Variants in KHDRBS2 observed in about 807,000 individuals in gnomAD.
KHDRBS2 encodes KH RNA binding domain containing, signal transduction associated 2.
KHDRBS2 carries 26 observed loss-of-function variants against 44.3 expected under a neutral mutation model. That is an observed-to-expected ratio of 0.59 (90% CI 0.43 to 0.81). The LOEUF is 0.81. KHDRBS2 is among the 40% of genes least tolerant of loss of function. KHDRBS2 has a pLI of 0.00. For synonymous variants in KHDRBS2, 194 were observed against 151.1 expected (o/e 1.28, Z -2.08); for missense variants, 476 against 433.1 (o/e 1.10, Z -0.88).
the KHDRBS2 span, among the ~76,000 whole-genome samples, chr6:61,668,781 T>G: frequency 6.6e-6 from 1 of 151,160 alleles, no homozygotes; most frequent in South Asian, 2.1e-4. Context: ...TCACCTTCAC[T>G]TTGGTATCCT....
chr6:61,867,969 T>G (rs1347484563), intron 6 of KHDRBS2, among the ~76,000 whole-genome samples: 1 of 151,954 alleles, frequency 6.6e-6, no homozygotes, highest in African/African-American at 2.4e-5. Flanking sequence ...CCTGGCTGAG[T>G]TCTAGTAGAG....
the KHDRBS2 span, among the ~76,000 whole-genome samples, chr6:61,613,107 C>T: frequency 0.029 from 4,375 of 152,194 alleles, 208 homozygotes; most frequent in African/African-American, 0.1. Flanking sequence ...CCGCCTTGGC[C>T]TCCCAAAGTG....
At chr6:61,568,958 T>C in the KHDRBS2 span, among the ~76,000 whole-genome samples, 1,163 of 89,498 alleles carry the variant, frequency 0.013, 13 homozygotes, top group African/African-American at 0.047. Context: ...GATATAAGCA[T>C]AGGAGTTGCT....
chr6:61,629,801 T>C, the KHDRBS2 span, among the ~76,000 whole-genome samples: 1 of 152,334 alleles, frequency 6.6e-6, no homozygotes, highest in East Asian at 1.9e-4. Context: ...AAAGATGAAG[T>C]GAATAGTGAA....
At chr6:62,266,544 T>C (rs1269985331) in intron 1 of KHDRBS2, among the ~76,000 whole-genome samples, 3 of 152,020 alleles carry the variant, frequency 2.0e-5, no homozygotes, top group Non-Finnish European at 4.4e-5. Context: ...AAATTCTATG[T>C]GGGCTCCTTT....
At chr6:61,822,760 T>C (rs1458937071) in intron 6 of KHDRBS2, among the ~76,000 whole-genome samples, 2 of 152,016 alleles carry the variant, frequency 1.3e-5, no homozygotes, top group Admixed American at 1.3e-4. Context: ...GCTCTCTCCT[T>C]CTCAGACTCT....
chr6:62,090,552 G>A (rs2127363162), intron 2 of KHDRBS2, among the ~76,000 whole-genome samples: 1 of 150,440 alleles, frequency 6.6e-6, no homozygotes, highest in South Asian at 2.1e-4. Flanking sequence ...GTGGTTATAG[G>A]AAAGGTGTTT....
intron 2 of KHDRBS2, among the ~76,000 whole-genome samples, chr6:62,121,640 T>C (rs2150082926): frequency 6.6e-6 from 1 of 152,346 alleles, no homozygotes; most frequent in Admixed American, 6.5e-5. Flanking sequence ...TTCACTGTCC[T>C]GCCTCAGGGG....
At chr6:62,089,666 C>T (rs1195250177) in intron 2 of KHDRBS2, among the ~76,000 whole-genome samples, 2 of 152,288 alleles carry the variant, frequency 1.3e-5, no homozygotes, top group Non-Finnish European at 1.5e-5. Context: ...GGAGCTGCTC[C>T]TATTCTGCTA....
chr6:61,834,164 T>C (rs1013722612), intron 6 of KHDRBS2, among the ~76,000 whole-genome samples: 8 of 152,032 alleles, frequency 5.3e-5, no homozygotes, highest in Admixed American at 1.3e-4. Context: ...TATTTCTGTG[T>C]ATATTACTAA....
At chr6:61,606,767 A>G in the KHDRBS2 span, among the ~76,000 whole-genome samples, 89,846 of 152,024 alleles carry the variant, frequency 0.59, 26,761 homozygotes, top group Non-Finnish European at 0.61. Flanking sequence ...GGAGGGCTTC[A>G]GAGAAGGCCT....
chr6:61,651,383 A>G, the KHDRBS2 span, among the ~76,000 whole-genome samples: 1 of 152,152 alleles, frequency 6.6e-6, no homozygotes, highest in Non-Finnish European at 1.5e-5. Flanking sequence ...CATCTTATAT[A>G]CATAGCCTGA....
At chr6:61,813,864 A>G in intron 6 of KHDRBS2, 1 of 454,084 alleles carries the variant, frequency 2.2e-6, no homozygotes, top group South Asian at 1.6e-5. Flanking sequence ...GCATAGAAGT[A>G]GTAGTATGAC....
intron 2 of KHDRBS2, among the ~76,000 whole-genome samples, chr6:62,104,682 A>G (rs1802726055): frequency 6.6e-6 from 1 of 152,192 alleles, no homozygotes; most frequent in East Asian, 1.9e-4. Context: ...ATACATGCCT[A>G]TAATAAAACA....
intron 6 of KHDRBS2, among the ~76,000 whole-genome samples, chr6:61,877,083 C>A (rs1246992112): frequency 6.6e-6 from 1 of 151,946 alleles, no homozygotes; most frequent in Non-Finnish European, 1.5e-5. Context: ...CACTTTTGTG[C>A]CACAATGTCA....
chr6:62,163,168 ACAAG>A (rs919291743), intron 2 of KHDRBS2, among the ~76,000 whole-genome samples: 1 of 152,028 alleles, frequency 6.6e-6, no homozygotes, highest in African/African-American at 2.4e-5. Context: ...GCTGACAAAT[ACAAG>A]CAGTTTTGCA....
chr6:61,587,319 A>C, the KHDRBS2 span, among the ~76,000 whole-genome samples: 1 of 152,122 alleles, frequency 6.6e-6, no homozygotes, highest in Admixed American at 6.6e-5. Flanking sequence ...GTCCAGGGAC[A>C]GTCAGCTGGT....
At chr6:61,575,599 C>G in the KHDRBS2 span, among the ~76,000 whole-genome samples, 1 of 152,158 alleles carries the variant, frequency 6.6e-6, no homozygotes, top group African/African-American at 2.4e-5. Context: ...AGAAGTCTCA[C>G]TACTGGGTAT....
chr6:62,185,230 C>A (rs1342199533), intron 1 of KHDRBS2, among the ~76,000 whole-genome samples: 1 of 151,852 alleles, frequency 6.6e-6, no homozygotes, highest in African/African-American at 2.4e-5. Flanking sequence ...ATCGTTATAG[C>A]CTCGGTTATT....
Sources: gnomAD v4.1 joint callset for allele counts (sites outside exome capture counted in the v4.1 genomes callset) on GRCh38, gnomAD v4.1.1 for gene constraint, MANE v1.5 for transcripts, NCBI Gene and HGNC (gene_info 2026-07-23, HGNC 2026-07-21) for gene names.